The following OVCA2 variants were observed in gnomAD, a reference collection of about 807,000 sequenced individuals.
OVCA2 encodes OVCA2 serine hydrolase domain containing.
A neutral mutation model predicts 10.1 loss-of-function variants in OVCA2; 14 were observed. The ratio of observed to expected loss-of-function variants is 1.39; its 90% confidence interval spans 0.92 to 2.17. OVCA2 has a LOEUF of 2.17. Among genes scored for constraint, OVCA2 ranks in the 30% most tolerant of loss-of-function variants. The pLI is 0.00. For synonymous variants in OVCA2, 201 were observed against 134.1 expected (o/e 1.50, Z -3.45); for missense variants, 376 against 300.5 (o/e 1.25, Z -1.86).
Position 2,042,589 on chromosome 17 carries a change from C to T in OVCA2, c.185-16C>T. The T allele has an allele frequency of 6.6e-7, 1 of 1,508,008 alleles. No homozygotes were observed. Among genetic ancestry groups the T allele is most frequent in the East Asian group, 2.3e-5 (1 of 43,734 alleles). 93.4% of individuals were successfully genotyped at this position (1,508,008 alleles called of 1,614,324 possible). ...CCCATGCCCTAATCCCATCCTTTTT[C>T]CTCATATCGCTGTAGGGTCCTGCCC... is the stretch of plus-strand genomic sequence containing the variant. On this transcript the variant is annotated splice_polypyrimidine_tract_variant and intron_variant, in intron 1 of 1. Transcript: ENST00000572195.
chr17:2,042,627 G>C lies in OVCA2; in HGVS notation c.207G>C (p.Gln69His). 1 of 1,519,838 alleles carries C rather than the reference G, an allele frequency of 6.6e-7. No homozygotes were observed. Among genetic ancestry groups the C allele is most frequent in the Non-Finnish European group, 8.8e-7 (1 of 1,136,856 alleles). 94.1% of individuals were successfully genotyped at this position (1,519,838 alleles called of 1,614,324 possible). Residue 69 changes from glutamine to histidine, a missense_variant, in exon 2 of 2, where the codon CAG (glutamine) becomes CAC (histidine). Gln to His is a conservative substitution (Grantham distance 24). Transcript: ENST00000572195. ...TAGGGTCCTGCCCTCCGGAGGAGCAGCCTCGAGGCTGGTGGTTTTCAGAGC... is the reference window on the plus strand; with the variant it reads ...TAGGGTCCTGCCCTCCGGAGGAGCACCCTCGAGGCTGGTGGTTTTCAGAGC... The part of the protein sequence containing the change: ...SDFGSCPPEE[Q>H]PRGWWFSEQE...
chr17:2,042,958 A>AAAG lies in OVCA2; in HGVS notation c.539_541dup (p.Lys180_Val181insGlu). 1.2e-6 allele frequency: 2 copies of AAAG among 1,614,114 alleles called. No homozygotes were observed. Among genetic ancestry groups the AAAG allele is most frequent in the South Asian group, 2.2e-5 (2 of 91,084 alleles). On this transcript the variant is annotated inframe_insertion, in exon 2 of 2. Transcript: ENST00000572195. The stretch of plus-strand genomic sequence containing the variant: ...GCTCCATGTTTTTGGGGACACTGAC[A>AAAG]AAGTCATCCCCTCTCAGGAGAGTGT...
At position 2,042,190 on chromosome 17, in the gene OVCA2, TCCCCGACCCCCCGGG is replaced by T. The variant is rs750637682; in HGVS notation, c.150_164del (p.Asp50_Pro54del). ...GTGTGCCTCAGCGGCCCGCACCCGG[TCCCCGACCCCCCGGG>T]CCCCGAGGGCGCCAGATCAGACTTC... On this transcript the variant is annotated inframe_deletion, in exon 1 of 2. Coordinates refer to ENST00000572195, the MANE Select transcript of OVCA2 (RefSeq NM_080822.3). 1.3e-5 allele frequency: 18 copies of T among 1,430,240 alleles called. No homozygotes were observed. The highest frequency in any genetic ancestry group is 1.1e-4 in the East Asian group (4 of 36,120). 88.6% of individuals were successfully genotyped at this position (1,430,240 alleles called of 1,614,324 possible). A position where few individuals can be genotyped will look rare whatever the true frequency, so the allele number is the denominator to read the frequency against.
At position 2,042,094 on chromosome 17, in the gene OVCA2, G is replaced by T; in HGVS notation, c.47G>T (p.Arg16Leu). ...CGGGTCCTGTGCCTGGCGGGCTTCC[G>T]GCAGAGCGAGCGGGGCTTCCGTGAG... ...PLRVLCLAGF[R>L]QSERGFREKT... is the part of the protein sequence containing the mutation. Residue 16 changes from arginine to leucine, a missense_variant, in exon 1 of 2, where the codon CGG becomes CTG. Transcript: ENST00000572195. 6.4e-7 allele frequency: 1 copy of T among 1,568,518 alleles called. No individual in the cohort carries two copies. Among genetic ancestry groups the T allele is most frequent in the African/African-American group, 1.4e-5 (1 of 72,774 alleles).
intron 1 of OVCA2, 165 bp from the exon 2 acceptor site, chr17:2,042,440 C>T (rs1305823485): frequency 3.1e-6 from 4 of 1,270,376 alleles, no homozygotes; most frequent in Admixed American, 3.4e-5. Flanking sequence ...CCGCTGTCTC[C>T]TGTTCAGGCC....
In OVCA2 at chr17:2,042,924, A is replaced by T. The variant is rs759346839; in HGVS notation, c.504A>T (p.Ser168=). The T allele has an allele frequency of 6.2e-7, 1 of 1,614,072 alleles. No homozygotes were observed. The highest frequency in any genetic ancestry group is 1.1e-5 in the South Asian group (1 of 91,078). ...AATCCATCCTGCAAAGGCCCTTGTC[A>T]TTGCCTTCGCTCCATGTTTTTGGGG... is the stretch of plus-strand genomic sequence containing the variant. ...FKESILQRPL[S]LPSLHVFGDT... The change falls in exon 2 of 2, where the codon TCA becomes TCT. Residue 168 remains serine (S), a synonymous_variant. Coordinates refer to ENST00000572195, the MANE Select transcript of OVCA2 (RefSeq NM_080822.3).
Position 2,042,039 on chromosome 17 carries a change from C to A in OVCA2, c.-9C>A. On this transcript the variant is annotated 5_prime_UTR_variant, in exon 1 of 2. Transcript: ENST00000572195. ...CTTCCGGTGCTTCCGTCGCTCCTTG[C>A]CGGGCATAATGGCCGCGCAGCGACC... 1 of 1,512,380 alleles carries A rather than the reference C, an allele frequency of 6.6e-7. No individual in the cohort carries two copies. The highest frequency in any genetic ancestry group is 1.2e-5 in the South Asian group (1 of 82,066). The allele number at this position is 1,512,380 out of a possible 1,614,324, so 93.7% of individuals were successfully genotyped here.
chr17:2,043,220 T>C lies in OVCA2; in HGVS notation c.*116T>C. On this transcript the variant is annotated 3_prime_UTR_variant, in exon 2 of 2. Transcript: ENST00000572195. ...GTGAGTGCGCCTCACCAGAACCAGT[T>C]AAGAGACAACTATCAATTCTTGAGA... 7.8e-7 allele frequency: 1 copy of C among 1,276,922 alleles called. No individual in the cohort carries two copies. The highest frequency in any genetic ancestry group is 1.1e-6 in the Non-Finnish European group (1 of 928,332). 79.1% of individuals were successfully genotyped at this position (1,276,922 alleles called of 1,614,324 possible). A position where few individuals can be genotyped will look rare whatever the true frequency, so the allele number is the denominator to read the frequency against.
In OVCA2 at chr17:2,042,627, G is replaced by T; in HGVS notation, c.207G>T (p.Gln69His). 1 of 1,519,838 alleles carries T rather than the reference G, an allele frequency of 6.6e-7. No homozygotes were observed. The highest frequency in any genetic ancestry group is 8.8e-7 in the Non-Finnish European group (1 of 1,136,856). The allele number at this position is 1,519,838 out of a possible 1,614,324, so 94.1% of individuals were successfully genotyped here. The change falls in exon 2 of 2, where the codon CAG (glutamine) becomes CAT (histidine). Residue 69 changes from glutamine to histidine, a missense_variant. By Grantham distance (24) the Gln-to-His change is conservative. Transcript: ENST00000572195. ...SDFGSCPPEE[Q>H]PRGWWFSEQE... ...TAGGGTCCTGCCCTCCGGAGGAGCA[G>T]CCTCGAGGCTGGTGGTTTTCAGAGC... is the stretch of plus-strand genomic sequence containing the variant.
rs1468493351 is a variant in OVCA2, at chr17:2,042,421, C to G, written c.185-184C>G. On this transcript the variant is annotated intron_variant, in intron 1 of 1. Transcript: ENST00000572195. ...TGTCCTCCCAGGCTTCCGCCTTCACCGTCTTCCTCCGCTGTCTCCTGTTCA... is the reference window on the plus strand; with the variant it reads ...TGTCCTCCCAGGCTTCCGCCTTCACGGTCTTCCTCCGCTGTCTCCTGTTCA... 3.2e-6 allele frequency: 4 copies of G among 1,241,306 alleles called. No individual in the cohort carries two copies. In the African/African-American group the frequency reaches 4.7e-5, roughly 15 times the overall value. 76.9% of individuals were successfully genotyped at this position (1,241,306 alleles called of 1,614,324 possible).
At position 2,042,838 on chromosome 17, in the gene OVCA2, C is replaced by T. The variant is rs201826758; in HGVS notation, c.418C>T (p.Pro140Ser). 7 of 1,614,162 alleles carry T rather than the reference C, an allele frequency of 4.3e-6. No homozygotes were observed. In the Admixed American group the frequency reaches 8.3e-5, roughly 19 times the overall value. ...GGGCCAGGCAGGCGATCCCCGCTTC[C>T]CCTTGCCACGGTTTATCCTCTTGGT... ...ALGQAGDPRFPLPRFILLVSG... is the reference protein window; with the variant it reads ...ALGQAGDPRFSLPRFILLVSG... The change falls in exon 2 of 2, where the codon CCC (proline) becomes TCC (serine). Residue 140 changes from proline (P) to serine (S), a missense_variant. Pro to Ser is a moderately conservative substitution (Grantham distance 74, BLOSUM62 -1). Coordinates refer to ENST00000572195, the MANE Select transcript of OVCA2 (RefSeq NM_080822.3).
rs2151357752 is a variant in OVCA2 at position 2,042,184 on chromosome 17, ACCCGGTCCCCGACCC to A, written c.143_157del (p.Val48_Pro52del). 1 of 1,444,076 alleles carries A rather than the reference ACCCGGTCCCCGACCC, an allele frequency of 6.9e-7. No homozygotes were observed. Among genetic ancestry groups the A allele is most frequent in the Non-Finnish European group, 9.0e-7 (1 of 1,105,894 alleles). The allele number at this position is 1,444,076 out of a possible 1,614,324, so 89.5% of individuals were successfully genotyped here. ...GAGCTCGTGTGCCTCAGCGGCCCGC[ACCCGGTCCCCGACCC>A]CCCGGGCCCCGAGGGCGCCAGATCA... On this transcript the variant is annotated inframe_deletion, in exon 1 of 2. Coordinates refer to ENST00000572195, the MANE Select transcript of OVCA2 (RefSeq NM_080822.3).
In OVCA2 at chr17:2,043,146, G is replaced by C. The variant is rs748024364; in HGVS notation, c.*42G>C. 1.9e-6 allele frequency: 3 copies of C among 1,589,316 alleles called. No homozygotes were observed. The highest frequency in any genetic ancestry group is 1.1e-5 in the South Asian group (1 of 88,414). Reference sequence around the variant, plus strand: ...TCTGCTCCTACATCCAGCTCCTCTAGGGGCAGCCTCCGTCATCCATGCCCT... The same window carrying C: ...TCTGCTCCTACATCCAGCTCCTCTACGGGCAGCCTCCGTCATCCATGCCCT... On this transcript the variant is annotated 3_prime_UTR_variant, in exon 2 of 2. Coordinates refer to ENST00000572195, the MANE Select transcript of OVCA2 (RefSeq NM_080822.3).
In OVCA2 at chr17:2,042,609, C is replaced by T. The variant is rs776735798; in HGVS notation, c.189C>T (p.Ser63=). 1.3e-6 allele frequency: 2 copies of T among 1,519,088 alleles called. No individual in the cohort carries two copies. Among genetic ancestry groups the T allele is most frequent in the Non-Finnish European group, 1.8e-6 (2 of 1,136,596 alleles). 94.1% of individuals were successfully genotyped at this position (1,519,088 alleles called of 1,614,324 possible). The change falls in exon 2 of 2, where the codon TCC becomes TCT. Residue 63 remains serine (S), a synonymous_variant. Transcript: ENST00000572195. ...TTTTTCCTCATATCGCTGTAGGGTC[C>T]TGCCCTCCGGAGGAGCAGCCTCGAG... ...GPEGARSDFG[S]CPPEEQPRGW...
At position 2,043,193 on chromosome 17, in the gene OVCA2, C is replaced by T. The variant is rs2067578534; in HGVS notation, c.*89C>T. On this transcript the variant is annotated 3_prime_UTR_variant, in exon 2 of 2. Transcript: ENST00000572195. The stretch of plus-strand genomic sequence containing the variant: ...CCCTCCCAGGACCCTCCACTCACTG[C>T]TGTGAGTGCGCCTCACCAGAACCAG... The T allele has an allele frequency of 7.6e-6, 11 of 1,453,552 alleles. No homozygotes were observed. Among genetic ancestry groups the T allele is most frequent in the Non-Finnish European group, 1.0e-5 (11 of 1,073,864 alleles). The allele number at this position is 1,453,552 out of a possible 1,614,324, so 90.0% of individuals were successfully genotyped here.
In OVCA2 at chr17:2,042,030, C is replaced by T. The variant is rs978593108; in HGVS notation, c.-18C>T. On this transcript the variant is annotated 5_prime_UTR_variant, in exon 1 of 2. Transcript: ENST00000572195. ...GAAAGACCGCTTCCGGTGCTTCCGT[C>T]GCTCCTTGCCGGGCATAATGGCCGC... 2 of 1,501,462 alleles carry T rather than the reference C, an allele frequency of 1.3e-6. No individual in the cohort carries two copies. The highest frequency in any genetic ancestry group is 2.5e-5 in the East Asian group (1 of 39,716). The allele number at this position is 1,501,462 out of a possible 1,614,324, so 93.0% of individuals were successfully genotyped here. A position where few individuals can be genotyped will look rare whatever the true frequency, so the allele number is the denominator to read the frequency against.
Position 2,043,052 on chromosome 17 carries a change from C to G in OVCA2, c.632C>G (p.Ala211Gly). Residue 211 changes from alanine (A) to glycine (G), a missense_variant, in exon 2 of 2, where the codon GCT becomes GGT. By Grantham distance (60) the Ala-to-Gly change is moderately conservative (BLOSUM62 0). Transcript: ENST00000572195. ...THSGGHFIPAAAPQRQAYLKF... is the reference protein window; with the variant it reads ...THSGGHFIPAGAPQRQAYLKF... ...TCTGGTGGCCACTTCATTCCAGCAG[C>G]TGCACCCCAGCGTCAGGCCTACCTC... is the stretch of plus-strand genomic sequence containing the variant. 2 of 1,614,052 alleles carry G rather than the reference C, an allele frequency of 1.2e-6. No individual in the cohort carries two copies. Among genetic ancestry groups the G allele is most frequent in the Non-Finnish European group, 1.7e-6 (2 of 1,180,034 alleles).
rs745550560 is a variant in OVCA2 at position 2,042,062 on chromosome 17, A to T, written c.15A>T (p.Arg5=). The change falls in exon 1 of 2, where the codon CGA becomes CGT. Residue 5 remains arginine (R), a synonymous_variant. Transcript: ENST00000572195. MAAQ[R]PLRVLCLAGF... The stretch of plus-strand genomic sequence containing the variant: ...TGCCGGGCATAATGGCCGCGCAGCG[A>T]CCCCTGCGGGTCCTGTGCCTGGCGG... 2.6e-6 allele frequency: 4 copies of T among 1,541,514 alleles called. No individual in the cohort carries two copies. Among genetic ancestry groups the T allele is most frequent in the Admixed American group, 1.9e-5 (1 of 51,330 alleles).
rs754077305 is a variant in OVCA2 at position 2,042,949 on chromosome 17, G to T, written c.529G>T (p.Asp177Tyr). 1.7e-5 allele frequency: 28 copies of T among 1,614,020 alleles called. No homozygotes were observed. Among genetic ancestry groups the T allele is most frequent in the Non-Finnish European group, 2.1e-5 (25 of 1,180,038 alleles). The change falls in exon 2 of 2, where the codon GAC becomes TAC. Residue 177 changes from aspartate to tyrosine, a missense_variant. Asp to Tyr is a radical substitution (Grantham distance 160). Coordinates refer to ENST00000572195, the MANE Select transcript of OVCA2 (RefSeq NM_080822.3). ...LSLPSLHVFGDTDKVIPSQES... is the reference protein window; with the variant it reads ...LSLPSLHVFGYTDKVIPSQES... ...ATTGCCTTCGCTCCATGTTTTTGGG[G>T]ACACTGACAAAGTCATCCCCTCTCA...
Sources: allele counts gnomAD v4.1 joint callset, GRCh38; gene constraint gnomAD v4.1.1; transcripts MANE v1.5; gene names NCBI Gene and HGNC (gene_info 2026-07-23, HGNC 2026-07-21).